Variants in ATP2B3 observed in about 807,000 individuals in gnomAD.
The protein encoded by ATP2B3 is plasma membrane calcium-transporting ATPase 3.
ATP2B3 carries 12 observed loss-of-function variants against 70.8 expected under a neutral mutation model. The observed-to-expected ratio is 0.17, with a 90% CI of 0.11 to 0.27. ATP2B3 has a LOEUF of 0.27. Among genes scored for constraint, ATP2B3 ranks in the 10% least tolerant of loss-of-function variants. The pLI is 1.00. For synonymous variants in ATP2B3, 460 were observed against 497.8 expected, an observed-to-expected ratio of 0.92 and a Z score of 1.01; for missense variants, 858 against 1,118.5, an observed-to-expected ratio of 0.77 and a Z score of 3.32.
intron 2 of ATP2B3, among the ~76,000 whole-genome samples, chrX:153,521,929 C>G (rs2089964874): frequency 8.9e-6 from 1 of 111,851 alleles, no homozygotes; most frequent in Non-Finnish European, 1.9e-5. Flanking sequence ...CACACGGACC[C>G]TGAAGCCACC....
chrX:153,533,626 G>A (rs1274119572), intron 2 of ATP2B3, among the ~76,000 whole-genome samples: 3 of 111,519 alleles, frequency 2.7e-5, no homozygotes, highest in Admixed American at 1.9e-4. Flanking sequence ...AGGACGTGGA[G>A]CTTGCTTGCT....
At chrX:153,564,869 G>T in intron 20 of ATP2B3, 52 bp from the exon 21 acceptor site, 1 of 1,094,644 alleles carries the variant, frequency 9.1e-7, no homozygotes, top group South Asian at 2.3e-5. Flanking sequence ...CTTACACCAG[G>T]CAGATGCTGC....
intron 21 of ATP2B3, among the ~76,000 whole-genome samples, chrX:153,574,170 T>C (rs1557020713): frequency 8.9e-6 from 1 of 112,905 alleles, no homozygotes; most frequent in African/African-American, 3.2e-5. Context: ...CCGAGTTGAC[T>C]GATGGTTCCT....
At chrX:153,541,033 G>A (rs1374594125) in intron 3 of ATP2B3, among the ~76,000 whole-genome samples, 2 of 112,507 alleles carry the variant, frequency 1.8e-5, no homozygotes, top group Non-Finnish European at 3.8e-5. Context: ...TAGTGTGGAG[G>A]TGGCCAGGAA....
At chrX:153,540,359 C>T (rs1186756897) in intron 3 of ATP2B3, among the ~76,000 whole-genome samples, 3 of 112,491 alleles carry the variant, frequency 2.7e-5, no homozygotes, top group Non-Finnish European at 3.8e-5. Flanking sequence ...GGCTTCTCCC[C>T]GCCTGTTCCC....
chrX:153,532,871 G>T (rs1557002428), intron 2 of ATP2B3: 2 of 111,929 alleles, frequency 1.8e-5, no homozygotes, highest in East Asian at 5.6e-4. Flanking sequence ...GCCTCAGGGA[G>T]GCCACCGCCC....
chrX:153,536,718 C>T (rs1273536694), intron 3 of ATP2B3, among the ~76,000 whole-genome samples: 2 of 112,141 alleles, frequency 1.8e-5, no homozygotes, highest in Non-Finnish European at 3.8e-5. Flanking sequence ...CACACACAGG[C>T]GGAATGGGCC....
chrX:153,558,221 G>A lies in ATP2B3; in HGVS notation c.2543G>A (p.Ser848Asn). 2 of 1,211,827 alleles carry A rather than the reference G, an allele frequency of 1.7e-6. No homozygotes were observed. Among genetic ancestry groups the A allele is most frequent in the Non-Finnish European group, 2.2e-6 (2 of 895,510 alleles). ...ATGTGGGGCCGTAACGTCTATGACA[G>A]CATCTCCAAGTTCCTGCAGTTTCAA... Reference protein sequence around the residue: ...AVMWGRNVYDSISKFLQFQLT... With the variant: ...AVMWGRNVYDNISKFLQFQLT... Residue 848 changes from serine (S) to asparagine (N), a missense_variant, in exon 17 of 22, where the codon AGC becomes AAC. By Grantham distance (46) the Ser-to-Asn change is conservative. This residue lies in a region of ATP2B3 where 50 missense variants were observed against 106.7 expected (regional missense o/e 0.47). Transcript: ENST00000263519.
chrX:153,559,856 A>G lies in ATP2B3; in HGVS notation c.2753A>G (p.Lys918Arg). ...LLLRKPYGRDKPLISRTMMKN... is the reference protein window; with the variant it reads ...LLLRKPYGRDRPLISRTMMKN... ...CTGCGGAAGCCGTACGGCCGCGACA[A>G]GCCCCTCATCTCCCGCACCATGATG... is the stretch of plus-strand genomic sequence containing the variant. The change falls in exon 18 of 22, where the codon AAG (lysine) becomes AGG (arginine). Residue 918 changes from lysine (K) to arginine (R), a missense_variant. By Grantham distance (26) the Lys-to-Arg change is conservative. Coordinates refer to ENST00000263519, the MANE Select transcript of ATP2B3 (RefSeq NM_001001344.3). 8.2e-7 allele frequency: 1 copy of G among 1,212,287 alleles called. No homozygotes were observed. Among genetic ancestry groups the G allele is most frequent in the Non-Finnish European group, 1.1e-6 (1 of 895,623 alleles).
intron 21 of ATP2B3, among the ~76,000 whole-genome samples, chrX:153,565,580 G>A (rs968991859): frequency 8.9e-6 from 1 of 112,431 alleles, no homozygotes; most frequent in African/African-American, 3.2e-5. Context: ...TCTGGCCACC[G>A]AGTTGGTCCT....
chrX:153,546,226 G>T lies in ATP2B3; in HGVS notation c.958+97G>T, dbSNP rs60283120. The T allele has an allele frequency of 2.5e-3, 2,613 of 1,042,172 alleles. 53 individuals are homozygous for T. The African/African-American group carries it at 0.045, about 18-fold the overall frequency. The allele number at this position is 1,042,172 out of a possible 1,213,427, so 85.9% of individuals were successfully genotyped here. A position where few individuals can be genotyped will look rare whatever the true frequency, so the allele number is the denominator to read the frequency against. ...TGGGGGAGGTTCACCTGCCTCGGTG[G>T]CAGGAGCAACACTTGGAGACCAGGT... On this transcript the variant is annotated intron_variant, in intron 8 of 21. Transcript: ENST00000263519.
At chrX:153,565,557 T>G (rs2090693790) in intron 21 of ATP2B3, among the ~76,000 whole-genome samples, 2 of 112,269 alleles carry the variant, frequency 1.8e-5, no homozygotes, top group South Asian at 7.4e-4. Context: ...GAGACTTCAT[T>G]TGGGAAGTGG....
intron 13 of ATP2B3, 102 bp from the exon 14 acceptor site, chrX:153,555,947 G>T: frequency 3.0e-6 from 3 of 990,741 alleles, no homozygotes; most frequent in Admixed American, 4.6e-5. Flanking sequence ...CACCTCTGCT[G>T]GACCTTGGGC....
At chrX:153,543,934 C>T (rs1426750338) in intron 7 of ATP2B3, among the ~76,000 whole-genome samples, 2 of 88,807 alleles carry the variant, frequency 2.3e-5, no homozygotes, top group African/African-American at 4.2e-5. Flanking sequence ...GGGGCCAGTG[C>T]GCGGGGTGTG....
intron 2 of ATP2B3, among the ~76,000 whole-genome samples, chrX:153,531,359 C>T (rs1372238062): frequency 8.8e-6 from 1 of 113,319 alleles, no homozygotes; most frequent in Non-Finnish European, 1.9e-5. Context: ...TGCTTTTCCT[C>T]TCTGGGTTCT....
At chrX:153,549,366 C>T in intron 10 of ATP2B3, 131 bp from the exon 11 acceptor site, 2 of 1,135,555 alleles carry the variant, frequency 1.8e-6, no homozygotes, top group South Asian at 2.0e-5. Context: ...TGACCAGGTG[C>T]CCAGTGGGCT....
At chrX:153,562,754 C>A (rs1306091417) in intron 20 of ATP2B3, among the ~76,000 whole-genome samples, 1 of 112,407 alleles carries the variant, frequency 8.9e-6, no homozygotes, top group Non-Finnish European at 1.9e-5. Context: ...TTAGGATCCG[C>A]TTATCTCTGT....
chrX:153,579,923 C>G, intron 21 of ATP2B3, 55 bp from the exon 22 acceptor site: 7 of 1,075,998 alleles, frequency 6.5e-6, no homozygotes, highest in Non-Finnish European at 8.9e-6. Context: ...CTTTCCCTTC[C>G]TTTCCTCCCT....
intron 21 of ATP2B3, among the ~76,000 whole-genome samples, chrX:153,572,876 C>T (rs1352258086): frequency 8.9e-6 from 1 of 112,271 alleles, no homozygotes; most frequent in Non-Finnish European, 1.9e-5. Flanking sequence ...CAGGGGGCTG[C>T]GCGTCTGCCA....
Sources: allele counts gnomAD v4.1 joint callset (sites outside exome capture counted in the v4.1 genomes callset), GRCh38; gene constraint gnomAD v4.1.1; regional missense constraint gnomAD v4.1.1; transcripts MANE v1.5; gene names NCBI Gene and HGNC (gene_info 2026-07-23, HGNC 2026-07-21).